The following SYNE2 variants were observed in gnomAD, a reference collection of about 807,000 sequenced individuals.
The protein encoded by SYNE2 is nesprin-2.
In SYNE2, 431 loss-of-function variants were observed where a neutral mutation model predicts 856.3. The ratio of observed to expected loss-of-function variants is 0.50; its 90% CI spans 0.47 to 0.55. SYNE2 has a LOEUF of 0.55. Ranked by LOEUF, SYNE2 falls within the 20% of genes least tolerant of loss-of-function variation. SYNE2 has a pLI of 0.00. For missense variants in SYNE2, 8,129 were observed against 8,023.2 expected (o/e 1.01, Z -0.50); for synonymous variants, 2,923 against 2,872.3 (o/e 1.02, Z -0.56).
At chr14:64,140,475 G>C (rs539567016) in intron 80 of SYNE2, among the ~76,000 whole-genome samples, 1 of 152,158 alleles carries the variant, frequency 6.6e-6, no homozygotes, top group Non-Finnish European at 1.5e-5. Flanking sequence ...CCAGCTCCTC[G>C]GGAGGCTGAG....
At chr14:63,775,421 G>T (rs963093219) in intron 1 of SYNE2, among the ~76,000 whole-genome samples, 1 of 151,998 alleles carries the variant, frequency 6.6e-6, no homozygotes, top group African/African-American at 2.4e-5. Context: ...GATTACAGGT[G>T]CCTGCCACAG....
At chr14:63,785,779 G>A (rs1887500622) in intron 1 of SYNE2, among the ~76,000 whole-genome samples, 1 of 152,022 alleles carries the variant, frequency 6.6e-6, no homozygotes, top group African/African-American at 2.4e-5. Context: ...ACACACACTT[G>A]GTTTAAAGAC....
At chr14:64,119,761 C>G (rs1425067173) in intron 67 of SYNE2, 152 bp downstream of exon 67, 11 of 765,168 alleles carry the variant, frequency 1.4e-5, no homozygotes, top group Non-Finnish European at 2.1e-5. Flanking sequence ...GATGAGTACA[C>G]TGGCTTGTTA....
intron 21 of SYNE2, among the ~76,000 whole-genome samples, chr14:63,992,338 G>A (rs1244167100): frequency 6.6e-6 from 1 of 151,954 alleles, no homozygotes; most frequent in Non-Finnish European, 1.5e-5. Context: ...GTTCAGTGGT[G>A]CTGTCTCAGC....
chr14:63,979,155 C>T, intron 14 of SYNE2, 141 bp downstream of exon 14: 1 of 813,984 alleles, frequency 1.2e-6, no homozygotes, highest in East Asian at 2.6e-5. Context: ...TTAAATATTG[C>T]ATGGAGAAAA....
rs572548347 is a variant in SYNE2, at chr14:64,151,711, G to T, written c.15640-853G>T. On this transcript the variant is annotated intron_variant, in intron 84 of 115. Transcript: ENST00000555002. ...TGCTAAAGAAAGTATGCAGAAGCGC[G>T]TCCCAAATTTGTGAATTGGGAGACT... Among the ~76,000 whole-genome samples the T allele has an allele frequency of 4.6e-5, 7 of 152,304 alleles. No homozygotes were observed. The South Asian group carries it at 1.5e-3, about 32-fold the overall frequency.
chr14:64,026,870 C>T, intron 42 of SYNE2, 140 bp downstream of exon 42: 2 of 1,011,406 alleles, frequency 2.0e-6, no homozygotes, highest in Admixed American at 2.0e-5. Flanking sequence ...TCCACAGTGT[C>T]AAGAGACAGA....
Position 63,909,168 on chromosome 14 carries a change from T to G in SYNE2, c.20T>G (p.Leu7Arg). The change falls in exon 2 of 116, where the codon CTT becomes CGT. Residue 7 changes from leucine to arginine, a missense_variant. Physicochemically the swap from Leu to Arg is moderately radical, Grantham distance 102. Around this residue, in one of 3 missense-constraint regions of SYNE2, gnomAD observed 2,422 missense variants for 2,357.4 expected, o/e 1.03. Coordinates refer to ENST00000555002, the MANE Select transcript of SYNE2 (RefSeq NM_182914.3). The stretch of plus-strand genomic sequence containing the variant: ...CAAAGAATGGCATCTAGTCCTGAGC[T>G]TCCCACCGAAGATGAACAGGGTTCC... MASSPE[L>R]PTEDEQGSWG... 1 of 1,612,750 alleles carries G rather than the reference T, an allele frequency of 6.2e-7. No homozygotes were observed. The highest frequency in any genetic ancestry group is 8.5e-7 in the Non-Finnish European group (1 of 1,179,044).
In SYNE2 at chr14:64,225,436, CGAA is replaced by C. The variant is rs781275793; in HGVS notation, c.20640_20642del (p.Glu6880del). 3.3e-4 allele frequency: 525 copies of C among 1,613,994 alleles called. No homozygotes were observed. The highest frequency in any genetic ancestry group is 4.3e-4 in the Non-Finnish European group (503 of 1,180,000). ...TCCTGGCCTGCCTGCTGCCCTCCTCCGAAGAAGACTACAGCTGCACTCAGGCCA... is the reference window on the plus strand; with the variant it reads ...TCCTGGCCTGCCTGCTGCCCTCCTCCGAAGACTACAGCTGCACTCAGGCCA... On this transcript the variant is annotated inframe_deletion, in exon 116 of 116. Transcript: ENST00000555002.
chr14:63,852,373 C>G (rs192552824), upstream of SYNE2, among the ~76,000 whole-genome samples: 1 of 152,230 alleles, frequency 6.6e-6, no homozygotes, highest in South Asian at 2.1e-4. Context: ...ATGCAGTTCG[C>G]AGTGAGTTTT....
intron 96 of SYNE2, among the ~76,000 whole-genome samples, chr14:64,184,329 G>GGTGTGTGT (rs767980383): frequency 0.041 from 5,846 of 144,152 alleles, 128 homozygotes; most frequent in Middle Eastern, 0.077. Flanking sequence ...TATGCATAGG[G>GGTGTGTGT]GTGTGTGTGT....
At chr14:64,198,778 T>G (rs1003910323) in intron 99 of SYNE2, among the ~76,000 whole-genome samples, 1 of 152,250 alleles carries the variant, frequency 6.6e-6, no homozygotes, top group Non-Finnish European at 1.5e-5. Context: ...AGAAGGGCTC[T>G]GATATGCTCT....
At position 64,218,428 on chromosome 14, in the gene SYNE2, G is replaced by A; in HGVS notation, c.19573G>A (p.Gly6525Ser). The change falls in exon 109 of 116, where the codon GGT becomes AGT. Residue 6525 changes from glycine to serine, a missense_variant. Gly to Ser is a moderately conservative substitution (Grantham distance 56). This residue lies in a region of SYNE2 where 5,410 missense variants were observed against 5,284.8 expected (regional missense o/e 1.02). Coordinates refer to ENST00000555002, the MANE Select transcript of SYNE2 (RefSeq NM_182914.3). ...GKLLLPPGTD[G>S]GKEGPRVLNG... The stretch of plus-strand genomic sequence containing the variant: ...GCTACTATTACCTCCAGGCACGGAT[G>A]GTGGCAAAGAAGGCCCGCGAGTCCT... 1 of 1,614,094 alleles carries A rather than the reference G, an allele frequency of 6.2e-7. No individual in the cohort carries two copies. The highest frequency in any genetic ancestry group is 8.5e-7 in the Non-Finnish European group (1 of 1,180,018).
chr14:63,974,886 G>GTATATATATATATATA (rs1315971121), intron 11 of SYNE2, among the ~76,000 whole-genome samples: 28 of 26,254 alleles, frequency 1.1e-3, no homozygotes, highest in East Asian at 2.7e-3. Context: ...GTGTGTGTGT[G>GTATATATATATATATA]TGTGTGTATA....
rs768785447 is a variant in SYNE2 at position 63,949,922 on chromosome 14, C to T, written c.506C>T (p.Ala169Val). Residue 169 changes from alanine (A) to valine (V), a missense_variant, in exon 7 of 116, where the codon GCT becomes GTT. Around this residue, in one of 3 missense-constraint regions of SYNE2, gnomAD observed 2,422 missense variants for 2,357.4 expected, o/e 1.03. Coordinates refer to ENST00000555002, the MANE Select transcript of SYNE2 (RefSeq NM_182914.3). ...VDSSPASSPPAKKCSKVQARW... is the reference protein window; with the variant it reads ...VDSSPASSPPVKKCSKVQARW... Reference sequence around the variant, plus strand: ...TCATCTCCTGCCTCAAGTCCTCCAGCTAAGAAATGCTCTAAAGTGCAAGCA... The same window carrying T: ...TCATCTCCTGCCTCAAGTCCTCCAGTTAAGAAATGCTCTAAAGTGCAAGCA... The T allele has an allele frequency of 3.7e-6, 6 of 1,614,128 alleles. No individual in the cohort carries two copies. The highest frequency in any genetic ancestry group is 1.7e-5 in the Admixed American group (1 of 60,014).
chr14:64,130,040 C>T lies in SYNE2; in HGVS notation c.14140-8C>T, dbSNP rs772037194. On this transcript the variant is annotated splice_region_variant and splice_polypyrimidine_tract_variant and intron_variant, in intron 75 of 115. Coordinates refer to ENST00000555002, the MANE Select transcript of SYNE2 (RefSeq NM_182914.3). ...AATGCATGTGTGCACCTGCTCTTCT[C>T]TTTTCAGGATGTACTTGACAGTATG... is the stretch of plus-strand genomic sequence containing the variant. The T allele has an allele frequency of 6.2e-7, 1 of 1,613,620 alleles. No individual in the cohort carries two copies. The highest frequency in any genetic ancestry group is 1.1e-5 in the South Asian group (1 of 91,058).
intron 42 of SYNE2, 99 bp from the exon 43 acceptor site, chr14:64,027,385 T>A: frequency 1.4e-6 from 1 of 736,812 alleles, no homozygotes; most frequent in Non-Finnish European, 2.2e-6. Flanking sequence ...ATATTAGTGT[T>A]ATTTTAATGT....
intron 109 of SYNE2, among the ~76,000 whole-genome samples, chr14:64,219,004 G>T (rs2098679656): frequency 6.6e-6 from 1 of 152,056 alleles, no homozygotes; most frequent in South Asian, 2.1e-4. Context: ...AGCCTCTGTG[G>T]GAGTGTACGC....
chr14:64,059,653 A>G (rs1595211777), intron 49 of SYNE2, among the ~76,000 whole-genome samples: 1 of 152,382 alleles, frequency 6.6e-6, no homozygotes, highest in East Asian at 1.9e-4. Context: ...GCCTTGCCCA[A>G]GGCCCTCTGT....
Sources: gnomAD v4.1 joint callset for allele counts (sites outside exome capture counted in the v4.1 genomes callset) on GRCh38, gnomAD v4.1.1 for gene constraint, gnomAD v4.1.1 regional missense constraint, MANE v1.5 for transcripts, NCBI Gene and HGNC (gene_info 2026-07-23, HGNC 2026-07-21) for gene names.